The following NPEPL1 variants were observed in gnomAD, a reference collection of about 807,000 sequenced individuals.
NPEPL1 encodes the protein aminopeptidase like 1, also known as probable aminopeptidase NPEPL1.
In NPEPL1, 45 loss-of-function variants were observed where a neutral mutation model predicts 52.4. The observed-to-expected ratio is 0.86, with a 90% CI of 0.68 to 1.10. The LOEUF is 1.10. NPEPL1 is among the 50% of genes least tolerant of loss of function. NPEPL1 has a pLI of 0.00. For missense variants in NPEPL1, 696 were observed against 710.9 expected, an observed-to-expected ratio of 0.98 and a Z score of 0.24; for synonymous variants, 360 against 314.7, an observed-to-expected ratio of 1.14 and a Z score of -1.52.
chr20:58,695,077 G>A (rs2084444433), intron 3 of NPEPL1, among the ~76,000 whole-genome samples: 1 of 138,494 alleles, frequency 7.2e-6, no homozygotes, highest in Non-Finnish European at 1.6e-5. Flanking sequence ...AGTGGTGTGT[G>A]TGGTGTACGT....
upstream of NPEPL1, chr20:58,691,638 A>G (rs572110471): frequency 1.6e-5 from 11 of 688,406 alleles, no homozygotes; most frequent in Middle Eastern, 3.4e-4. Context: ...AGTGGTGGAA[A>G]ACCTCTCACA....
chr20:58,690,402 G>C (rs1321247737), upstream of NPEPL1, among the ~76,000 whole-genome samples: 1 of 152,178 alleles, frequency 6.6e-6, no homozygotes, highest in Non-Finnish European at 1.5e-5. Context: ...AGTAAGCCAT[G>C]GATTAATACC....
chr20:58,703,871 T>C (rs1242669207), intron 6 of NPEPL1: 1 of 985,272 alleles, frequency 1.0e-6, no homozygotes, highest in Non-Finnish European at 1.2e-6. Context: ...GATCACCTTC[T>C]GAAAATGCGA....
intron 7 of NPEPL1, 38 bp downstream of exon 7, chr20:58,707,238 G>C: frequency 6.6e-7 from 1 of 1,520,902 alleles, no homozygotes; most frequent in Non-Finnish European, 8.9e-7. Context: ...GGGGCATCCT[G>C]GGTGTGCCTC....
chr20:58,701,376 G>C (rs184050746), intron 6 of NPEPL1, among the ~76,000 whole-genome samples: 6,899 of 134,238 alleles, frequency 0.051, 977 homozygotes, highest in African/African-American at 0.2. Context: ...GTGCCCTGGG[G>C]GGGGGGGAGG....
At chr20:58,706,156 G>C (rs1273590855) in intron 6 of NPEPL1, among the ~76,000 whole-genome samples, 1 of 152,198 alleles carries the variant, frequency 6.6e-6, no homozygotes, top group Non-Finnish European at 1.5e-5. Context: ...ATAGGAAACA[G>C]TGTGGACACT....
rs753038018 is a variant in NPEPL1 at position 58,714,544 on chromosome 20, C to T, written c.1303-16C>T. The T allele has an allele frequency of 3.2e-6, 5 of 1,552,094 alleles. No homozygotes were observed. In the East Asian group the frequency reaches 1.2e-4, roughly 37 times the overall value. On this transcript the variant is annotated splice_polypyrimidine_tract_variant and intron_variant, in intron 10 of 11. Coordinates refer to ENST00000356091, the MANE Select transcript of NPEPL1 (RefSeq NM_024663.4). Reference sequence around the variant, plus strand: ...CGGAGCAACCCACAGGCACTGTGTCCTCCTGGCCTCCCTAGGACCGAGACA... The same window carrying T: ...CGGAGCAACCCACAGGCACTGTGTCTTCCTGGCCTCCCTAGGACCGAGACA...
At chr20:58,712,095 G>GC (rs1193123888) in intron 7 of NPEPL1, among the ~76,000 whole-genome samples, 1 of 123,714 alleles carries the variant, frequency 8.1e-6, no homozygotes, top group Non-Finnish European at 1.8e-5. Context: ...AGCTCTTCCT[G>GC]CCCCTCTGTG....
chr20:58,696,837 TC>T (rs2084502922), intron 3 of NPEPL1, among the ~76,000 whole-genome samples: 1 of 152,196 alleles, frequency 6.6e-6, no homozygotes, highest in Admixed American at 6.5e-5. Flanking sequence ...GTGAGATACA[TC>T]CTGTTGTCCC....
At chr20:58,697,630 C>T (rs1366968554) in intron 3 of NPEPL1, among the ~76,000 whole-genome samples, 3 of 152,324 alleles carry the variant, frequency 2.0e-5, no homozygotes, top group South Asian at 2.1e-4. Flanking sequence ...CGCAAAACAG[C>T]GCTGCTCTTC....
chr20:58,714,499 C>A, intron 10 of NPEPL1, 61 bp from the exon 11 acceptor site: 1 of 1,229,350 alleles, frequency 8.1e-7, no homozygotes, highest in Non-Finnish European at 1.1e-6. Flanking sequence ...GGCGATGGGG[C>A]AGGGTGGAGA....
In NPEPL1 at chr20:58,715,413, A is replaced by G; in HGVS notation, c.*87A>G. On this transcript the variant is annotated 3_prime_UTR_variant, in exon 12 of 12. Transcript: ENST00000356091. The stretch of plus-strand genomic sequence containing the variant: ...AAGCAATTGAAAGATTGCCCTTCAT[A>G]TGGGTTTTGGTTTGTCTTTCTGGTC... 2.2e-6 allele frequency: 3 copies of G among 1,355,704 alleles called. No individual in the cohort carries two copies. The highest frequency in any genetic ancestry group is 6.0e-5 in the Admixed American group (2 of 33,498). The allele number at this position is 1,355,704 out of a possible 1,614,324, so 84.0% of individuals were successfully genotyped here.
rs756506134 is a variant in NPEPL1, at chr20:58,712,419, C to T, written c.901-60C>T. 2.5e-5 allele frequency: 28 copies of T among 1,130,244 alleles called. No individual in the cohort carries two copies. The Middle Eastern group carries it at 1.0e-3, about 41-fold the overall frequency. 70.0% of individuals were successfully genotyped at this position (1,130,244 alleles called of 1,614,324 possible). A position where few individuals can be genotyped will look rare whatever the true frequency, so the allele number is the denominator to read the frequency against. On this transcript the variant is annotated intron_variant, in intron 7 of 11. Coordinates refer to ENST00000356091, the MANE Select transcript of NPEPL1 (RefSeq NM_024663.4). Reference sequence around the variant, plus strand: ...GTGGGTCTGAGAACCCCCAGCTCGTCCTCCCCCCTCCCCAAACCTATGACC... The same window carrying T: ...GTGGGTCTGAGAACCCCCAGCTCGTTCTCCCCCCTCCCCAAACCTATGACC...
chr20:58,701,179 C>T, intron 6 of NPEPL1, 21 bp downstream of exon 6: 1 of 1,356,942 alleles, frequency 7.4e-7, no homozygotes, highest in Non-Finnish European at 9.7e-7. Context: ...GGCTGGCTCT[C>T]AGGGTGCCCT....
chr20:58,704,452 T>C (rs1419915801), intron 6 of NPEPL1: 1 of 851,398 alleles, frequency 1.2e-6, no homozygotes, highest in Non-Finnish European at 1.4e-6. Context: ...TTTACTCTAC[T>C]GGAAATTAAA....
chr20:58,693,934 G>T lies in NPEPL1; in HGVS notation c.336+12G>T, dbSNP rs745940835. The T allele has an allele frequency of 4.5e-6, 7 of 1,560,600 alleles. No individual in the cohort carries two copies. The East Asian group carries it at 1.7e-4, about 37-fold the overall frequency. On this transcript the variant is annotated intron_variant, in intron 2 of 11. Transcript: ENST00000356091. ...ATCGCTGCATTGTGGTGAGTGCTTC[G>T]AGAGGAGGCAGCCACGGTGCTCCTA...
chr20:58,707,052 T>TGGGGGGGGGCCGGGGGGGGGGG, intron 6 of NPEPL1, 71 bp from the exon 7 acceptor site: 1 of 1,257,894 alleles, frequency 7.9e-7, no homozygotes, highest in Non-Finnish European at 1.1e-6. Flanking sequence ...CGGGTGGGGG[T>TGGGGGGGGGCCGGGGGGGGGGG]GGGGGGCTTC....
At chr20:58,692,007 TCCCC>T, upstream of NPEPL1, 3 of 622,492 alleles carry the variant, frequency 4.8e-6, no homozygotes, top group East Asian at 5.5e-5. The surrounding 1 kb of genome is among the most constrained non-coding windows in gnomAD (Gnocchi z 5.7). Flanking sequence ...TGGCCTTTCC[TCCCC>T]TGTAAGGCGA....
Position 58,698,782 on chromosome 20 carries a change from C to A in NPEPL1, c.597+9C>A. 1 of 1,610,722 alleles carries A rather than the reference C, an allele frequency of 6.2e-7. No individual in the cohort carries two copies. On this transcript the variant is annotated intron_variant, in intron 4 of 11. Coordinates refer to ENST00000356091, the MANE Select transcript of NPEPL1 (RefSeq NM_024663.4). ...CCGACACCTTCCTCGAGGTTTGTGG[C>A]GTCATCAGGCCGGGGGTGGGACCAG...
Sources: gnomAD v4.1 joint callset for allele counts (sites outside exome capture counted in the v4.1 genomes callset) on GRCh38, gnomAD v4.1.1 for gene constraint, Gnocchi (gnomAD v3.1) non-coding constraint, MANE v1.5 for transcripts, NCBI Gene and HGNC (gene_info 2026-07-23, HGNC 2026-07-21) for gene names.